OLA1: variants seen among roughly 807,000 people sequenced by gnomAD.
The protein encoded by OLA1 is obg-like ATPase 1.
OLA1 carries 14 observed loss-of-function variants against 48.4 expected under a neutral mutation model. The ratio of observed to expected loss-of-function variants is 0.29; its 90% CI spans 0.19 to 0.45. OLA1 has a LOEUF of 0.45. Among genes scored for constraint, OLA1 ranks in the 20% least tolerant of loss-of-function variants. OLA1 has a pLI of 1.00. For missense variants in OLA1, 325 were observed against 467.1 expected, an observed-to-expected ratio of 0.70 and a Z score of 2.80; for synonymous variants, 127 against 150.4, an observed-to-expected ratio of 0.84 and a Z score of 1.14.
At chr2:174,163,133 C>T (rs1437602154) in intron 4 of OLA1, among the ~76,000 whole-genome samples, 3 of 152,150 alleles carry the variant, frequency 2.0e-5, no homozygotes, top group Non-Finnish European at 4.4e-5. Context: ...GCAGATGATT[C>T]CCAGCCCACT....
intron 7 of OLA1, among the ~76,000 whole-genome samples, chr2:174,096,117 G>C (rs143658692): frequency 3.3e-5 from 5 of 152,244 alleles, no homozygotes; most frequent in African/African-American, 1.2e-4. Flanking sequence ...AAAAAGAAAT[G>C]AGGTACTGAT....
At chr2:174,129,334 T>C (rs1176455632) in intron 5 of OLA1, among the ~76,000 whole-genome samples, 1 of 151,890 alleles carries the variant, frequency 6.6e-6, no homozygotes, top group Non-Finnish European at 1.5e-5. Flanking sequence ...GGCAGGTGCC[T>C]GTAGTCCCAG....
chr2:174,183,670 C>T (rs1381290144), intron 4 of OLA1, among the ~76,000 whole-genome samples: 3 of 152,212 alleles, frequency 2.0e-5, no homozygotes, highest in Non-Finnish European at 4.4e-5. Flanking sequence ...GAGGCTACCA[C>T]TGCATGTTGA....
intron 4 of OLA1, among the ~76,000 whole-genome samples, chr2:174,196,408 CT>C (rs2105428083): frequency 6.6e-6 from 1 of 152,056 alleles, no homozygotes; most frequent in South Asian, 2.1e-4. Context: ...TGAGAAATAC[CT>C]TTAATATTAC....
chr2:174,107,113 T>G (rs772509057), intron 7 of OLA1, among the ~76,000 whole-genome samples: 1 of 152,100 alleles, frequency 6.6e-6, no homozygotes, highest in African/African-American at 2.4e-5. Context: ...ATAAGCTCCT[T>G]GTTGGGAGCT....
At chr2:174,139,318 C>T (rs1257355388) in intron 5 of OLA1, among the ~76,000 whole-genome samples, 1 of 152,196 alleles carries the variant, frequency 6.6e-6, no homozygotes, top group East Asian at 1.9e-4. Flanking sequence ...CCTGGAGCTA[C>T]CAGAAGCTAG....
At chr2:174,218,716 T>C (rs747271792) in intron 4 of OLA1, among the ~76,000 whole-genome samples, 14 of 152,236 alleles carry the variant, frequency 9.2e-5, no homozygotes, top group East Asian at 1.9e-4. Context: ...AAATGACTAA[T>C]GGGGGTAAGG....
chr2:174,203,468 T>C (rs1409696922), intron 4 of OLA1, among the ~76,000 whole-genome samples: 1 of 150,858 alleles, frequency 6.6e-6, no homozygotes, highest in African/African-American at 2.4e-5. Context: ...CTAACATCTT[T>C]TTTTTTTTTT....
chr2:174,241,220 C>T (rs903052555), intron 2 of OLA1, among the ~76,000 whole-genome samples: 22 of 152,210 alleles, frequency 1.4e-4, no homozygotes, highest in African/African-American at 5.3e-4. Flanking sequence ...TCAGTCTCAA[C>T]TAGCCACCAG....
intron 5 of OLA1, among the ~76,000 whole-genome samples, chr2:174,131,202 T>C (rs1418875887): frequency 6.6e-6 from 1 of 152,118 alleles, no homozygotes; most frequent in Non-Finnish European, 1.5e-5. Context: ...TTGAAACTTA[T>C]AGAAATAATC....
intron 7 of OLA1, among the ~76,000 whole-genome samples, chr2:174,112,004 T>A (rs1051311185): frequency 2.6e-5 from 4 of 152,226 alleles, no homozygotes; most frequent in East Asian, 1.9e-4. Flanking sequence ...TACAATTTTT[T>A]AAAAAATACC....
At chr2:174,095,030 A>C (rs1685214983) in intron 7 of OLA1, among the ~76,000 whole-genome samples, 1 of 152,060 alleles carries the variant, frequency 6.6e-6, no homozygotes, top group African/African-American at 2.4e-5. Context: ...TCTATACTAC[A>C]TTTTCTTTAT....
At chr2:174,173,461 T>G (rs1325931878) in intron 4 of OLA1, among the ~76,000 whole-genome samples, 1 of 152,226 alleles carries the variant, frequency 6.6e-6, no homozygotes, top group East Asian at 1.9e-4. Flanking sequence ...TTTCTCAATC[T>G]GACTTTAAAG....
rs1418380691 is a variant in OLA1, at chr2:174,247,361, G to A, written c.1-546C>T. 1.2e-5 allele frequency: 3 copies of A among 240,276 alleles called. No individual in the cohort carries two copies. The East Asian group carries it at 2.6e-4, about 21-fold the overall frequency. The allele number at this position is 240,276 out of a possible 1,614,324, so 14.9% of individuals were successfully genotyped here. A position where few individuals can be genotyped will look rare whatever the true frequency, so the allele number is the denominator to read the frequency against. ...GGGCTCTGCCTGAGCGACAAAGCTA[G>A]GCTCTGTCTTAAATAAATAAATAAA... On this transcript the variant is annotated intron_variant, in intron 1 of 10. Transcript: ENST00000284719.
chr2:174,186,234 G>A (rs1245990355), intron 4 of OLA1, among the ~76,000 whole-genome samples: 1 of 152,160 alleles, frequency 6.6e-6, no homozygotes, highest in Non-Finnish European at 1.5e-5. Context: ...CTTGTAGGAT[G>A]AAGAAAGCCG....
intron 2 of OLA1, among the ~76,000 whole-genome samples, chr2:174,244,936 T>C (rs1049362897): frequency 6.6e-6 from 1 of 152,172 alleles, no homozygotes; most frequent in Non-Finnish European, 1.5e-5. Context: ...CCAGCCAATT[T>C]TTTAAAAAAA....
chr2:174,182,909 A>C (rs960400200), intron 4 of OLA1, among the ~76,000 whole-genome samples: 4 of 152,242 alleles, frequency 2.6e-5, no homozygotes, highest in African/African-American at 9.6e-5. Context: ...GCGGGAGTTA[A>C]ACTAAAAGTT....
At chr2:174,192,404 A>C (rs1015288414) in intron 4 of OLA1, among the ~76,000 whole-genome samples, 31 of 152,222 alleles carry the variant, frequency 2.0e-4, no homozygotes, top group Non-Finnish European at 3.8e-4. Flanking sequence ...GAAGCATTTT[A>C]ATTTTGAATT....
At chr2:174,205,300 C>A (rs1460074790) in intron 4 of OLA1, among the ~76,000 whole-genome samples, 1 of 151,938 alleles carries the variant, frequency 6.6e-6, no homozygotes, top group Non-Finnish European at 1.5e-5. Context: ...GGGAAAAAAA[C>A]AAGTTAGGAA....
Sources: gnomAD v4.1 joint callset for allele counts (sites outside exome capture counted in the v4.1 genomes callset) on GRCh38, gnomAD v4.1.1 for gene constraint, MANE v1.5 for transcripts, NCBI Gene and HGNC (gene_info 2026-07-23, HGNC 2026-07-21) for gene names.